Variants in SMIM14 observed in about 807,000 individuals in gnomAD.
SMIM14 encodes the protein chromosome 4 open reading frame 34.
In SMIM14, 5 loss-of-function variants were observed where a neutral mutation model predicts 12.6. The observed-to-expected ratio is 0.40, with a 90% CI of 0.21 to 0.83. The LOEUF (loss-of-function observed/expected upper bound fraction) is 0.83, where lower values mean the gene tolerates loss of function less well. Among genes scored for constraint, SMIM14 ranks in the 40% least tolerant of loss-of-function variants. SMIM14 has a pLI of 0.37. For synonymous variants in SMIM14, 30 were observed against 40.1 expected, an observed-to-expected ratio of 0.75 and a Z score of 0.95; for missense variants, 86 against 119.1, an observed-to-expected ratio of 0.72 and a Z score of 1.29.
intron 3 of SMIM14, among the ~76,000 whole-genome samples, chr4:39,560,787 T>C (rs1712270452): frequency 6.6e-6 from 1 of 152,024 alleles, no homozygotes. Flanking sequence ...GTTCATCCAG[T>C]TGCCCAGGGC....
intron 1 of SMIM14, among the ~76,000 whole-genome samples, chr4:39,616,462 T>C (rs1337384393): frequency 1.3e-5 from 2 of 151,990 alleles, no homozygotes; most frequent in Non-Finnish European, 2.9e-5. Context: ...AGTTTCTGAC[T>C]CTTGCTTCTC....
At chr4:39,610,995 C>T (rs1715010977) in intron 1 of SMIM14, among the ~76,000 whole-genome samples, 1 of 151,972 alleles carries the variant, frequency 6.6e-6, no homozygotes, top group Non-Finnish European at 1.5e-5. Context: ...CAAAAATACA[C>T]CATAAAATGA....
At chr4:39,635,257 T>C (rs775442112) in intron 1 of SMIM14, among the ~76,000 whole-genome samples, 2 of 152,168 alleles carry the variant, frequency 1.3e-5, no homozygotes, top group Non-Finnish European at 2.9e-5. Flanking sequence ...GAAACTCACA[T>C]GGCCAGGCTC....
intron 2 of SMIM14, among the ~76,000 whole-genome samples, chr4:39,581,425 C>T (rs1713484276): frequency 6.6e-6 from 1 of 151,886 alleles, no homozygotes; most frequent in Non-Finnish European, 1.5e-5. Context: ...TTCTTAGGAT[C>T]ATCAGAATTA....
At chr4:39,566,836 G>A (rs918872510) in intron 3 of SMIM14, among the ~76,000 whole-genome samples, 5 of 152,014 alleles carry the variant, frequency 3.3e-5, no homozygotes, top group African/African-American at 7.2e-5. Flanking sequence ...GCGTGGTGGC[G>A]TGCACCTGTA....
chr4:39,594,416 A>G (rs2110043544), intron 2 of SMIM14: 1 of 152,238 alleles, frequency 6.6e-6, no homozygotes, highest in Non-Finnish European at 1.5e-5. Context: ...GATGGATTAA[A>G]GACTTAAACG....
At chr4:39,618,673 A>G (rs1162036464) in intron 1 of SMIM14, among the ~76,000 whole-genome samples, 2 of 151,690 alleles carry the variant, frequency 1.3e-5, no homozygotes, top group Non-Finnish European at 2.9e-5. Context: ...AACAAAAAAA[A>G]AAAACCAAAG....
chr4:39,612,324 G>A (rs188793514), intron 1 of SMIM14, among the ~76,000 whole-genome samples: 204 of 151,564 alleles, frequency 1.3e-3, no homozygotes, highest in Non-Finnish European at 2.5e-3. Context: ...GTGTGATCTC[G>A]GCTCACTGCA....
intron 1 of SMIM14, among the ~76,000 whole-genome samples, chr4:39,635,036 A>G (rs1290133872): frequency 6.6e-6 from 1 of 152,216 alleles, no homozygotes; most frequent in Admixed American, 6.5e-5. Context: ...AAATGCTGTG[A>G]AGAAAATAAA....
intron 1 of SMIM14, among the ~76,000 whole-genome samples, chr4:39,636,173 C>CCAA (rs1312532665): frequency 2.6e-5 from 2 of 76,344 alleles, no homozygotes; most frequent in African/African-American, 1.1e-4. Flanking sequence ...CTCCATCTCC[C>CCAA]AAAAAAAAAA....
chr4:39,611,839 A>G (rs1317115377), intron 1 of SMIM14: 1 of 152,196 alleles, frequency 6.6e-6, no homozygotes, highest in Non-Finnish European at 1.5e-5. Context: ...GATCCTATAC[A>G]GCTGTTAGAA....
intron 2 of SMIM14, among the ~76,000 whole-genome samples, chr4:39,581,873 CT>C (rs200459196): frequency 0.14 from 19,274 of 135,238 alleles, 1,649 homozygotes; most frequent in South Asian, 0.32. Context: ...AATGTCTTTT[CT>C]TTTTTTTTTT....
At chr4:39,616,105 CT>C (rs759233057) in intron 1 of SMIM14, among the ~76,000 whole-genome samples, 1 of 152,108 alleles carries the variant, frequency 6.6e-6, no homozygotes, top group Non-Finnish European at 1.5e-5. Flanking sequence ...AGGGACATCC[CT>C]GAAAAGGGTT....
At chr4:39,629,443 T>C (rs1185807450) in intron 1 of SMIM14, among the ~76,000 whole-genome samples, 1 of 125,050 alleles carries the variant, frequency 8.0e-6, no homozygotes, top group Non-Finnish European at 1.6e-5. Flanking sequence ...AAGTAACTTA[T>C]AAATGATTTT....
At chr4:39,564,981 G>A (rs1013463747) in intron 3 of SMIM14, among the ~76,000 whole-genome samples, 1 of 152,216 alleles carries the variant, frequency 6.6e-6, no homozygotes, top group Non-Finnish European at 1.5e-5. Context: ...GGAAGCTGAG[G>A]TGGGAGAATC....
intron 2 of SMIM14, among the ~76,000 whole-genome samples, chr4:39,597,338 C>A (rs1182258451): frequency 6.6e-6 from 1 of 151,818 alleles, no homozygotes; most frequent in South Asian, 2.1e-4. Context: ...AGGAATTAAA[C>A]TGGACTTTAG....
At chr4:39,604,459 C>A (rs1329645680) in intron 2 of SMIM14, among the ~76,000 whole-genome samples, 1 of 151,936 alleles carries the variant, frequency 6.6e-6, no homozygotes, top group Non-Finnish European at 1.5e-5. Context: ...ATCGCTTGAA[C>A]TCAGGAGGTG....
intron 1 of SMIM14, among the ~76,000 whole-genome samples, chr4:39,616,803 C>T (rs893812766): frequency 6.6e-6 from 1 of 152,128 alleles, no homozygotes. Context: ...CTGGTTTCCT[C>T]TCTCCTTCAA....
chr4:39,575,585 C>T (rs1338423706), intron 2 of SMIM14, among the ~76,000 whole-genome samples: 1 of 151,720 alleles, frequency 6.6e-6, no homozygotes, highest in African/African-American at 2.4e-5. Context: ...TAAAATTACA[C>T]ATTCTTATTT....
Sources: gnomAD v4.1 joint callset for allele counts (sites outside exome capture counted in the v4.1 genomes callset) on GRCh38, gnomAD v4.1.1 for gene constraint, MANE v1.5 for transcripts, NCBI Gene and HGNC (gene_info 2026-07-23, HGNC 2026-07-21) for gene names.